The following CCSER1 variants were observed in gnomAD, a reference collection of about 807,000 sequenced individuals.
CCSER1 encodes the protein coiled-coil serine rich protein 1.
Under a neutral mutation model 82.0 loss-of-function variants are expected in CCSER1, and 41 were observed. The ratio of observed to expected loss-of-function variants is 0.50; its 90% CI spans 0.39 to 0.65. The LOEUF (loss-of-function observed/expected upper bound fraction) is 0.65. CCSER1 is among the 30% of genes least tolerant of loss of function. The pLI is 0.00. For missense variants in CCSER1, 1,119 were observed against 1,064.2 expected (o/e 1.05, Z -0.72); for synonymous variants, 414 against 383.9 (o/e 1.08, Z -0.92).
intron 10 of CCSER1, among the ~76,000 whole-genome samples, chr4:91,129,530 G>A (rs568154096): frequency 7.9e-5 from 12 of 151,904 alleles, no homozygotes; most frequent in Non-Finnish European, 1.8e-4. Flanking sequence ...AAAGAAATAA[G>A]AAAAATTTAA....
intron 6 of CCSER1, chr4:90,683,224 C>A (rs1734206956): frequency 6.6e-6 from 1 of 152,038 alleles, no homozygotes; most frequent in African/African-American, 2.4e-5. Context: ...AAAGAAGAAT[C>A]TTACTGTATT....
At position 91,403,571 on chromosome 4, in the gene CCSER1, C is replaced by T. The variant is rs540336066; in HGVS notation, c.2218-195001C>T. On this transcript the variant is annotated intron_variant, in intron 10 of 10. Coordinates refer to ENST00000509176, the MANE Select transcript of CCSER1 (RefSeq NM_001145065.2). ...CTTGTTATTTTGAGATACGTCCCAT[C>T]GATACCTAATTTATTGAGAATTTTT... 8.6e-4 allele frequency among the ~76,000 whole-genome samples: 131 copies of T among 152,160 alleles called. No homozygotes were observed. The Middle Eastern group carries it at 0.01, about 12-fold the overall frequency.
intron 1 of CCSER1, among the ~76,000 whole-genome samples, chr4:90,177,291 T>A (rs1317843979): frequency 6.6e-6 from 1 of 152,140 alleles, no homozygotes; most frequent in African/African-American, 2.4e-5. Context: ...TGACAGCTGA[T>A]CTTTTCAATC....
chr4:90,756,970 A>C (rs1465262778), intron 7 of CCSER1, among the ~76,000 whole-genome samples: 1 of 152,214 alleles, frequency 6.6e-6, no homozygotes, highest in Non-Finnish European at 1.5e-5. Context: ...AAATAAATTT[A>C]TGAAAACTTA....
At chr4:91,113,977 C>T (rs1269632741) in intron 10 of CCSER1, among the ~76,000 whole-genome samples, 4 of 152,030 alleles carry the variant, frequency 2.6e-5, no homozygotes, top group South Asian at 2.1e-4. Context: ...CTCAGCCTCC[C>T]GAGTAGTTGG....
intron 1 of CCSER1, among the ~76,000 whole-genome samples, chr4:90,227,535 T>C (rs1743414707): frequency 6.6e-6 from 1 of 152,218 alleles, no homozygotes; most frequent in African/African-American, 2.4e-5. Context: ...TTAAGCACCT[T>C]GCAACATGTA....
At chr4:90,569,960 T>C (rs534796728) in intron 5 of CCSER1, among the ~76,000 whole-genome samples, 1 of 152,200 alleles carries the variant, frequency 6.6e-6, no homozygotes, top group Non-Finnish European at 1.5e-5. Flanking sequence ...AGTTTGCCCC[T>C]CAGAATAGCC....
chr4:90,627,984 T>G (rs1723626905), intron 5 of CCSER1, 41 bp from the exon 6 acceptor site: 1 of 1,500,012 alleles, frequency 6.7e-7, no homozygotes, highest in East Asian at 2.3e-5. Context: ...GCTCTAAGCA[T>G]GCTGCACTGT....
intron 10 of CCSER1, among the ~76,000 whole-genome samples, chr4:91,236,931 A>C (rs1170892591): frequency 1.3e-5 from 2 of 152,200 alleles, no homozygotes; most frequent in African/African-American, 4.8e-5. Context: ...CACTGACATG[A>C]GCAAGACCAG....
intron 10 of CCSER1, among the ~76,000 whole-genome samples, chr4:91,272,301 G>C (rs1404726480): frequency 6.6e-6 from 1 of 152,176 alleles, no homozygotes; most frequent in Non-Finnish European, 1.5e-5. Flanking sequence ...CATTCTTGCA[G>C]GATAAGGTGG....
At chr4:91,441,796 C>A (rs1404075082) in intron 10 of CCSER1, among the ~76,000 whole-genome samples, 5 of 151,996 alleles carry the variant, frequency 3.3e-5, no homozygotes, top group African/African-American at 4.8e-5. Flanking sequence ...AATCAATGTG[C>A]AAAAATCACA....
At chr4:91,268,993 T>C (rs1440075551) in intron 10 of CCSER1, among the ~76,000 whole-genome samples, 1 of 152,184 alleles carries the variant, frequency 6.6e-6, no homozygotes, top group African/African-American at 2.4e-5. Context: ...ATGCTAACAA[T>C]AAAATTCAGC....
intron 3 of CCSER1, among the ~76,000 whole-genome samples, chr4:90,372,796 G>A (rs1747667973): frequency 6.6e-6 from 1 of 151,874 alleles, no homozygotes; most frequent in Non-Finnish European, 1.5e-5. Context: ...TACTTTTGGG[G>A]TTTTGAAATG....
At chr4:91,490,072 T>C (rs564552805) in intron 10 of CCSER1, among the ~76,000 whole-genome samples, 1 of 152,150 alleles carries the variant, frequency 6.6e-6, no homozygotes, top group Non-Finnish European at 1.5e-5. Flanking sequence ...ATGGCTTATA[T>C]ACAAAAGACA....
intron 10 of CCSER1, among the ~76,000 whole-genome samples, chr4:91,446,229 G>A (rs1424648558): frequency 6.6e-6 from 1 of 151,832 alleles, no homozygotes; most frequent in Non-Finnish European, 1.5e-5. Context: ...CAGATGATAA[G>A]GATAGGATTT....
At chr4:91,396,315 A>G (rs576775706) in intron 10 of CCSER1, among the ~76,000 whole-genome samples, 1 of 152,256 alleles carries the variant, frequency 6.6e-6, no homozygotes, top group South Asian at 2.1e-4. Context: ...AGCTGTGGAT[A>G]AAGTTCTGGA....
At chr4:91,379,418 C>G (rs1451553887) in intron 10 of CCSER1, among the ~76,000 whole-genome samples, 2 of 152,158 alleles carry the variant, frequency 1.3e-5, no homozygotes, top group Non-Finnish European at 2.9e-5. Context: ...TAATTATTGC[C>G]TCAATTTCAG....
intron 3 of CCSER1, among the ~76,000 whole-genome samples, chr4:90,326,414 A>G (rs1738216880): frequency 6.6e-6 from 1 of 151,776 alleles, no homozygotes; most frequent in Non-Finnish European, 1.5e-5. Context: ...TGCCATTTTT[A>G]TCACTTTTAT....
At chr4:90,396,505 AAATT>A (rs1237011048) in intron 3 of CCSER1, among the ~76,000 whole-genome samples, 13 of 152,350 alleles carry the variant, frequency 8.5e-5, no homozygotes, top group African/African-American at 3.1e-4. Flanking sequence ...AAACCAATAT[AAATT>A]AACAATTTTC....
Sources: allele counts gnomAD v4.1 joint callset (sites outside exome capture counted in the v4.1 genomes callset), GRCh38; gene constraint gnomAD v4.1.1; transcripts MANE v1.5; gene names NCBI Gene and HGNC (gene_info 2026-07-23, HGNC 2026-07-21).